ATP10B: variants seen among roughly 807,000 people sequenced by gnomAD.
ATP10B encodes ATPase phospholipid transporting 10B (putative).
Under a neutral mutation model 141.2 loss-of-function variants are expected in ATP10B, and 122 were observed. The ratio of observed to expected loss-of-function variants is 0.86; its 90% CI spans 0.75 to 1.00. The LOEUF (loss-of-function observed/expected upper bound fraction) is 1.00, where lower values mean the gene tolerates loss of function less well. Ranked by LOEUF, ATP10B falls within the 50% of genes least tolerant of loss-of-function variation. The probability of loss-of-function intolerance (pLI) is 0.00; values close to 1 mark genes in which losing one functional copy is unlikely to be tolerated. For missense variants in ATP10B, 1,876 were observed against 1,825.3 expected (o/e 1.03, Z -0.51); for synonymous variants, 685 against 692.0 (o/e 0.99, Z 0.16).
the ATP10B span, among the ~76,000 whole-genome samples, chr5:160,882,991 C>G: frequency 6.6e-6 from 1 of 151,960 alleles, no homozygotes; most frequent in East Asian, 1.9e-4. Flanking sequence ...AAAAATAAAT[C>G]TAAAATGAAA....
chr5:160,731,502 T>C (rs1276097354), intron 2 of ATP10B, among the ~76,000 whole-genome samples: 1 of 152,210 alleles, frequency 6.6e-6, no homozygotes, highest in East Asian at 1.9e-4. Flanking sequence ...TAATATCTAG[T>C]TGTAGAATCT....
At chr5:160,599,719 A>AT (rs376188741) in intron 21 of ATP10B, among the ~76,000 whole-genome samples, 15 of 152,180 alleles carry the variant, frequency 9.9e-5, no homozygotes, top group African/African-American at 3.1e-4. Context: ...AATGTTGTTC[A>AT]TTTTTTTCTA....
intron 1 of ATP10B, among the ~76,000 whole-genome samples, chr5:160,798,363 T>A (rs1473710383): frequency 6.6e-6 from 1 of 152,166 alleles, no homozygotes; most frequent in Non-Finnish European, 1.5e-5. Flanking sequence ...GTAGTTAAGA[T>A]GAAATTATAC....
At chr5:160,793,882 C>T (rs1040860172) in intron 1 of ATP10B, among the ~76,000 whole-genome samples, 1 of 152,148 alleles carries the variant, frequency 6.6e-6, no homozygotes, top group East Asian at 1.9e-4. Flanking sequence ...CTTACAATTA[C>T]CTACAGTATT....
At chr5:160,809,578 G>C (rs148873360) in intron 1 of ATP10B, among the ~76,000 whole-genome samples, 1 of 152,072 alleles carries the variant, frequency 6.6e-6, no homozygotes, top group Admixed American at 6.6e-5. Flanking sequence ...ATTTGAAACT[G>C]TATAATATAT....
intron 1 of ATP10B, among the ~76,000 whole-genome samples, chr5:160,796,475 T>C (rs1466312776): frequency 6.6e-6 from 1 of 152,158 alleles, no homozygotes; most frequent in Non-Finnish European, 1.5e-5. Flanking sequence ...TTGTATTCTA[T>C]CTCTCAACCT....
At chr5:160,594,118 A>G (rs1364185120) in intron 22 of ATP10B, among the ~76,000 whole-genome samples, 1 of 152,232 alleles carries the variant, frequency 6.6e-6, no homozygotes, top group Non-Finnish European at 1.5e-5. Flanking sequence ...GAAGGAAAAA[A>G]TGTCAAGGGC....
At chr5:160,892,160 T>C in the ATP10B span, among the ~76,000 whole-genome samples, 1 of 152,244 alleles carries the variant, frequency 6.6e-6, no homozygotes, top group Non-Finnish European at 1.5e-5. Flanking sequence ...AACCTTCCTA[T>C]GGCTTTTCAT....
At chr5:160,907,125 G>A in the ATP10B span, among the ~76,000 whole-genome samples, 15 of 152,172 alleles carry the variant, frequency 9.9e-5, no homozygotes, top group South Asian at 8.3e-4. Context: ...TAATCAAATC[G>A]TTTTCTGTAA....
At chr5:160,836,950 T>C (rs1775477346) in intron 1 of ATP10B, among the ~76,000 whole-genome samples, 1 of 152,172 alleles carries the variant, frequency 6.6e-6, no homozygotes. Flanking sequence ...GCCAAAAATG[T>C]ATTTTTTTTC....
chr5:160,696,787 C>A (rs902499825), intron 3 of ATP10B, among the ~76,000 whole-genome samples: 1 of 152,168 alleles, frequency 6.6e-6, no homozygotes, highest in East Asian at 1.9e-4. Flanking sequence ...ACTCAGTGAG[C>A]CAGATTCCTA....
the ATP10B span, among the ~76,000 whole-genome samples, chr5:160,919,060 C>T: frequency 9.3e-5 from 14 of 149,938 alleles, no homozygotes; most frequent in African/African-American, 3.5e-4. Flanking sequence ...CCCGTCTCTA[C>T]TAAAAATACA....
At chr5:160,678,179 T>C (rs1011792364) in intron 6 of ATP10B, among the ~76,000 whole-genome samples, 6 of 152,228 alleles carry the variant, frequency 3.9e-5, no homozygotes, top group Admixed American at 6.5e-5. Flanking sequence ...GCATAGATTT[T>C]GCTTTTAAAT....
chr5:160,806,347 A>T (rs1298636346), intron 1 of ATP10B, among the ~76,000 whole-genome samples: 1 of 152,246 alleles, frequency 6.6e-6, no homozygotes, highest in Non-Finnish European at 1.5e-5. Context: ...ACACAGATCA[A>T]GGTAAGCAGG....
rs1209701202 is a variant in ATP10B, at chr5:160,686,121, A to G, written c.428T>C (p.Phe143Ser). Residue 143 changes from phenylalanine (F) to serine (S), a missense_variant, in exon 6 of 26, where the codon TTT becomes TCT. Coordinates refer to ENST00000327245, the MANE Select transcript of ATP10B (RefSeq NM_025153.3). ...GTTGGAGCAGTTTATTGCTTTATCA[A>G]AGCGGTGTCTCTTGAAGTCCTCCAT... Reference protein sequence around the residue: ...DGMEDFKRHRFDKAINCSNIR... With the variant: ...DGMEDFKRHRSDKAINCSNIR... The G allele has an allele frequency of 1.9e-6, 3 of 1,603,724 alleles. No homozygotes were observed. In the African/African-American group the frequency reaches 4.0e-5, roughly 21 times the overall value.
At chr5:160,913,313 A>G in the ATP10B span, among the ~76,000 whole-genome samples, 2 of 152,112 alleles carry the variant, frequency 1.3e-5, no homozygotes, top group African/African-American at 4.8e-5. Flanking sequence ...AGAAGCTAAG[A>G]TTTGATGGAG....
intron 23 of ATP10B, 35 bp downstream of exon 23, chr5:160,591,024 A>C: frequency 6.6e-7 from 1 of 1,504,424 alleles, no homozygotes. Context: ...TCTTCTCTGC[A>C]ATTTATGTGG....
chr5:160,618,276 G>A (rs971039259), intron 15 of ATP10B, among the ~76,000 whole-genome samples: 4 of 152,200 alleles, frequency 2.6e-5, no homozygotes, highest in Non-Finnish European at 4.4e-5. Context: ...CATGAGAACC[G>A]CCTGGGAATT....
chr5:160,652,984 ACATATTTATATTTATATAT>A (rs1760989091), intron 7 of ATP10B, among the ~76,000 whole-genome samples: 1 of 43,626 alleles, frequency 2.3e-5, no homozygotes, highest in Admixed American at 3.0e-4. Flanking sequence ...ATATATACAT[ACATATTTATATTTATATAT>A]TATATATATT....
Sources: allele counts gnomAD v4.1 joint callset (sites outside exome capture counted in the v4.1 genomes callset), GRCh38; gene constraint gnomAD v4.1.1; transcripts MANE v1.5; gene names NCBI Gene and HGNC (gene_info 2026-07-23, HGNC 2026-07-21).